Variants in LARP1 observed in about 807,000 individuals in gnomAD.
LARP1 encodes la-related protein 1.
Under a neutral mutation model 122.7 loss-of-function variants are expected in LARP1, and 36 were observed. The observed-to-expected ratio is 0.29, with a 90% CI of 0.22 to 0.39. The LOEUF (loss-of-function observed/expected upper bound fraction) is 0.39, where lower values mean the gene tolerates loss of function less well. LARP1 is among the 10% of genes least tolerant of loss of function. The probability of loss-of-function intolerance (pLI) is 1.00; values close to 1 mark genes in which losing one functional copy is unlikely to be tolerated. For missense variants in LARP1, 1,040 were observed against 1,403.6 expected (o/e 0.74, Z 4.14); for synonymous variants, 539 against 528.7 (o/e 1.02, Z -0.27).
intron 1 of LARP1, among the ~76,000 whole-genome samples, chr5:154,724,968 C>T (rs895206985): frequency 6.6e-6 from 1 of 152,186 alleles, no homozygotes; most frequent in African/African-American, 2.4e-5. Flanking sequence ...GCCTGGCCAC[C>T]ACTGGGAATT....
Position 154,803,268 on chromosome 5 carries a change from ACTCAT to A in LARP1, c.2110-16_2110-12del. The stretch of plus-strand genomic sequence containing the variant: ...AGCCTGCTTACTTACATCTTTCCCC[ACTCAT>A]CTCATGACCTCTGCAGCAAGAAGTC... On this transcript the variant is annotated splice_polypyrimidine_tract_variant and intron_variant, in intron 11 of 18. Transcript: ENST00000518297. The surrounding 1 kb of genome is among the most constrained non-coding windows in gnomAD (Gnocchi z 4.4). 1 of 1,613,888 alleles carries A rather than the reference ACTCAT, an allele frequency of 6.2e-7. No individual in the cohort carries two copies. Among genetic ancestry groups the A allele is most frequent in the African/African-American group, 1.3e-5 (1 of 74,940 alleles).
intron 1 of LARP1, among the ~76,000 whole-genome samples, chr5:154,780,103 C>T (rs1376143763): frequency 1.3e-5 from 2 of 152,126 alleles, no homozygotes; most frequent in African/African-American, 4.8e-5. Context: ...CTCCAGCTTC[C>T]TATCTGCTTT....
intron 14 of LARP1, chr5:154,805,343 T>C (rs1228959964): frequency 4.9e-6 from 1 of 202,986 alleles, no homozygotes; most frequent in Non-Finnish European, 1.0e-5. Context: ...TTGGTCTTGC[T>C]CTCTCGAGTG....
chr5:154,704,420 G>T (rs1447592935), intron 1 of LARP1, among the ~76,000 whole-genome samples: 1 of 152,134 alleles, frequency 6.6e-6, no homozygotes, highest in Non-Finnish European at 1.5e-5. Flanking sequence ...GCCAAGGTGG[G>T]TGGACCACTG....
intron 8 of LARP1, among the ~76,000 whole-genome samples, chr5:154,798,867 G>A (rs1327710254): frequency 6.6e-6 from 1 of 151,942 alleles, no homozygotes; most frequent in African/African-American, 2.4e-5. Context: ...TTGTTTGTTT[G>A]TTTGTTTGTT....
chr5:154,699,634 G>T (rs1295702135), intron 1 of LARP1, among the ~76,000 whole-genome samples: 1 of 152,158 alleles, frequency 6.6e-6, no homozygotes. Context: ...CATTATCTCA[G>T]GCATAAAAAT....
intron 1 of LARP1, among the ~76,000 whole-genome samples, chr5:154,721,673 A>G (rs1442805992): frequency 6.6e-6 from 1 of 152,200 alleles, no homozygotes; most frequent in Admixed American, 6.5e-5. Context: ...TTCTGCTGCT[A>G]AGGTTTCTCA....
At chr5:154,808,333 G>T (rs1758964203) in intron 15 of LARP1, 126 bp from the exon 16 acceptor site, 1 of 1,138,458 alleles carries the variant, frequency 8.8e-7, no homozygotes, top group Non-Finnish European at 1.2e-6. Flanking sequence ...CTGAGTGGCA[G>T]ATGATGAGTG....
At chr5:154,772,828 T>C (rs1174042782) in intron 1 of LARP1, among the ~76,000 whole-genome samples, 3 of 152,072 alleles carry the variant, frequency 2.0e-5, no homozygotes, top group East Asian at 1.9e-4. Context: ...GCTGGGATTA[T>C]AGGCATGTGC....
intron 1 of LARP1, among the ~76,000 whole-genome samples, chr5:154,778,152 C>A (rs1245784117): frequency 6.6e-6 from 1 of 151,058 alleles, no homozygotes; most frequent in Non-Finnish European, 1.5e-5. Flanking sequence ...CCCAGCTACT[C>A]GGGAGGCTGA....
chr5:154,805,772 C>T, intron 14 of LARP1, 109 bp from the exon 15 acceptor site: 1 of 1,179,384 alleles, frequency 8.5e-7, no homozygotes, highest in Non-Finnish European at 1.2e-6. Context: ...TGTTTGATAC[C>T]CTGTGAGAGG....
At chr5:154,793,265 C>T (rs1209771768) in intron 4 of LARP1, among the ~76,000 whole-genome samples, 2 of 152,088 alleles carry the variant, frequency 1.3e-5, no homozygotes, top group East Asian at 1.9e-4. Flanking sequence ...GCTTAGCTCT[C>T]GTAGGCAGTG....
intron 1 of LARP1, among the ~76,000 whole-genome samples, chr5:154,693,867 AAAAAAG>A (rs1170889441): frequency 6.6e-6 from 1 of 150,776 alleles, no homozygotes; most frequent in African/African-American, 2.5e-5. Context: ...AAAAAAAAAA[AAAAAAG>A]AAAGAAAGTT....
At chr5:154,758,078 A>G (rs1754148428) in intron 1 of LARP1, among the ~76,000 whole-genome samples, 2 of 151,740 alleles carry the variant, frequency 1.3e-5, no homozygotes, top group Admixed American at 1.3e-4. Context: ...TCCCCGGGAG[A>G]GAGCACTCCT....
intron 7 of LARP1, 58 bp from the exon 8 acceptor site, chr5:154,795,117 T>C: frequency 1.3e-6 from 2 of 1,540,230 alleles, no homozygotes; most frequent in Non-Finnish European, 9.0e-7. Context: ...AAGGAAGGCA[T>C]ACTCATAAAA....
In LARP1 at chr5:154,794,265, G is replaced by A. The variant is rs377595770; in HGVS notation, c.1232+3G>A. The A allele has an allele frequency of 1.2e-6, 2 of 1,613,564 alleles. No homozygotes were observed. The highest frequency in any genetic ancestry group is 1.3e-5 in the African/African-American group (1 of 74,928). ...AAAGACTACATCAAGCGCCAGATGTGAGTGTGCGGAAGCCTTCTTACCCTG... is the reference window on the plus strand; with the variant it reads ...AAAGACTACATCAAGCGCCAGATGTAAGTGTGCGGAAGCCTTCTTACCCTG... On this transcript the variant is annotated splice_donor_region_variant and intron_variant, in intron 7 of 18. Coordinates refer to ENST00000518297, the MANE Select transcript of LARP1 (RefSeq NM_033551.3).
At chr5:154,786,222 G>T (rs147234430) in intron 1 of LARP1, among the ~76,000 whole-genome samples, 5 of 152,002 alleles carry the variant, frequency 3.3e-5, no homozygotes, top group East Asian at 1.9e-4. Flanking sequence ...TGTATTTTTA[G>T]TATAGACAGA....
chr5:154,807,884 A>G (rs6874685), intron 15 of LARP1, among the ~76,000 whole-genome samples: 1,855 of 152,276 alleles, frequency 0.012, 42 homozygotes, highest in African/African-American at 0.043. Context: ...TTGTTTTTCT[A>G]GTTATTAAGT....
upstream of LARP1, among the ~76,000 whole-genome samples, chr5:154,751,126 A>T (rs1010953862): frequency 6.6e-6 from 1 of 152,064 alleles, no homozygotes; most frequent in Non-Finnish European, 1.5e-5. Flanking sequence ...AGGCCTAAGT[A>T]TTTGAGGGAT....
Sources: gnomAD v4.1 joint callset for allele counts (sites outside exome capture counted in the v4.1 genomes callset) on GRCh38, gnomAD v4.1.1 for gene constraint, Gnocchi (gnomAD v3.1) non-coding constraint, MANE v1.5 for transcripts, NCBI Gene and HGNC (gene_info 2026-07-23, HGNC 2026-07-21) for gene names.